Variants in GLB1 observed in about 807,000 individuals in gnomAD.
GLB1 encodes the protein beta-galactosidase.
A neutral mutation model predicts 74.0 loss-of-function variants in GLB1; 56 were observed. That is an observed-to-expected ratio of 0.76 (90% CI 0.61 to 0.94). The LOEUF is 0.94. Among genes scored for constraint, GLB1 ranks in the 40% least tolerant of loss-of-function variants. GLB1 has a pLI of 0.00. For missense variants in GLB1, 787 were observed against 845.5 expected (o/e 0.93, Z 0.86); for synonymous variants, 323 against 323.6 (o/e 1.00, Z 0.02).
intron 15 of GLB1, among the ~76,000 whole-genome samples, chr3:33,004,385 T>A (rs756683302): frequency 1.4e-4 from 21 of 152,256 alleles, no homozygotes; most frequent in African/African-American, 5.1e-4. Flanking sequence ...GTTGTCGTTT[T>A]AATCCACTAA....
chr3:33,092,954 G>A (rs1700833597), intron 1 of GLB1: 5 of 1,614,250 alleles, frequency 3.1e-6, no homozygotes, highest in Non-Finnish European at 4.2e-6. Flanking sequence ...CCACCTGGTA[G>A]AGACCAGCAA....
In GLB1 at chr3:33,016,772, A is replaced by T; in HGVS notation, c.1416T>A (p.Thr472=). Residue 472 remains threonine, a synonymous_variant, in exon 14 of 16, where the codon ACT becomes ACA. Coordinates refer to ENST00000307363, the MANE Select transcript of GLB1 (RefSeq NM_000404.4). ...TLNITGKAGA[T]LDLLVENMGR... The stretch of plus-strand genomic sequence containing the variant: ...CCATGTTCTCTACCAGAAGGTCCAG[A>T]GTGGCTCCAGCTTTCCCTGTTATGT... 6.2e-7 allele frequency: 1 copy of T among 1,614,170 alleles called. No homozygotes were observed. Among genetic ancestry groups the T allele is most frequent in the Non-Finnish European group, 8.5e-7 (1 of 1,180,020 alleles).
At chr3:32,995,938 GAT>G (rs1696301185), downstream of GLB1, among the ~76,000 whole-genome samples, 1 of 151,582 alleles carries the variant, frequency 6.6e-6, no homozygotes, top group South Asian at 2.1e-4. Context: ...TTAGCATCCA[GAT>G]ATAAGTATAT....
intron 10 of GLB1, among the ~76,000 whole-genome samples, chr3:33,028,590 A>G (rs1234809947): frequency 6.6e-6 from 1 of 152,070 alleles, no homozygotes; most frequent in Non-Finnish European, 1.5e-5. Flanking sequence ...AAAGGATATG[A>G]GTATAAGACT....
At chr3:33,063,423 G>A (rs977523906) in intron 5 of GLB1, among the ~76,000 whole-genome samples, 1 of 150,402 alleles carries the variant, frequency 6.6e-6, no homozygotes, top group African/African-American at 2.4e-5. Flanking sequence ...GTGGAGATGG[G>A]AAGGGGAGAG....
At chr3:33,055,625 G>T (rs1291848499) in intron 6 of GLB1, among the ~76,000 whole-genome samples, 1 of 151,380 alleles carries the variant, frequency 6.6e-6, no homozygotes, top group Non-Finnish European at 1.5e-5. Context: ...CACGATTTTT[G>T]TACCAGCTAA....
chr3:32,988,939 C>G, the GLB1 span, among the ~76,000 whole-genome samples: 113 of 144,840 alleles, frequency 7.8e-4, no homozygotes, highest in African/African-American at 2.2e-3. Flanking sequence ...AGGTTTGGTT[C>G]CAGGTAATCA....
chr3:33,006,161 A>G (rs1244348880), intron 15 of GLB1, among the ~76,000 whole-genome samples: 1 of 152,194 alleles, frequency 6.6e-6, no homozygotes, highest in East Asian at 1.9e-4. Flanking sequence ...GGTTTGGCAT[A>G]TAGCAGGGGT....
chr3:32,998,748 T>A (rs1468499571), intron 15 of GLB1, among the ~76,000 whole-genome samples: 5 of 152,060 alleles, frequency 3.3e-5, no homozygotes, highest in African/African-American at 4.8e-5. Context: ...GGCCCAGATA[T>A]CCTAGGAGAC....
At chr3:33,009,073 T>C (rs747544460) in intron 15 of GLB1, among the ~76,000 whole-genome samples, 8 of 150,530 alleles carry the variant, frequency 5.3e-5, no homozygotes, top group Admixed American at 4.0e-4. Flanking sequence ...GAGCCAAGAT[T>C]GTGCCACTGT....
the GLB1 span, among the ~76,000 whole-genome samples, chr3:32,974,090 A>G: frequency 2.6e-5 from 4 of 152,216 alleles, no homozygotes; most frequent in Non-Finnish European, 4.4e-5. Context: ...ACACAAACTC[A>G]TGACTAAGAT....
intron 1 of GLB1, among the ~76,000 whole-genome samples, chr3:33,086,628 C>T (rs1159332346): frequency 6.6e-6 from 1 of 152,124 alleles, no homozygotes; most frequent in Non-Finnish European, 1.5e-5. Context: ...AAAGTTGAAC[C>T]TGAATCCAAC....
intron 12 of GLB1, among the ~76,000 whole-genome samples, chr3:33,019,154 A>G (rs958674012): frequency 2.0e-5 from 3 of 152,240 alleles, no homozygotes; most frequent in African/African-American, 7.2e-5. Context: ...AATAATAATA[A>G]TAACAACAAA....
chr3:32,979,101 C>T, the GLB1 span, among the ~76,000 whole-genome samples: 4 of 151,818 alleles, frequency 2.6e-5, no homozygotes, highest in Non-Finnish European at 5.9e-5. Context: ...CTCAGCCTCC[C>T]GAGTAGCTGG....
chr3:33,004,732 C>G (rs1696716565), intron 15 of GLB1, among the ~76,000 whole-genome samples: 1 of 152,166 alleles, frequency 6.6e-6, no homozygotes, highest in African/African-American at 2.4e-5. Flanking sequence ...GCCCTCCCTC[C>G]CTACTGCCAC....
chr3:33,071,782 C>G (rs1030099008), intron 2 of GLB1, among the ~76,000 whole-genome samples: 6 of 152,122 alleles, frequency 3.9e-5, no homozygotes, highest in African/African-American at 1.2e-4. Flanking sequence ...TAGAACCCCT[C>G]TCTCCCAAAG....
At chr3:32,995,544 T>A (rs1025252329), downstream of GLB1, among the ~76,000 whole-genome samples, 3 of 152,178 alleles carry the variant, frequency 2.0e-5, no homozygotes, top group Non-Finnish European at 2.9e-5. Flanking sequence ...CACTTGCAGC[T>A]GGCTCAACCT....
the GLB1 span, among the ~76,000 whole-genome samples, chr3:32,967,955 G>C: frequency 1.7e-3 from 264 of 152,290 alleles, 2 homozygotes; most frequent in Middle Eastern, 0.01. Context: ...AAGGACAAAG[G>C]GGAGCTTGAT....
chr3:32,966,263 T>C, the GLB1 span, among the ~76,000 whole-genome samples: 1 of 152,194 alleles, frequency 6.6e-6, no homozygotes, highest in Non-Finnish European at 1.5e-5. Flanking sequence ...GGGCGGAGCT[T>C]CCCAAGGCTG....
Sources: allele counts gnomAD v4.1 joint callset (sites outside exome capture counted in the v4.1 genomes callset), GRCh38; gene constraint gnomAD v4.1.1; transcripts MANE v1.5; gene names NCBI Gene and HGNC (gene_info 2026-07-23, HGNC 2026-07-21).